BAALC: variants seen among roughly 807,000 people sequenced by gnomAD.
BAALC encodes the protein BAALC binder of MAP3K1 and KLF4.
Under a neutral mutation model 15.5 loss-of-function variants are expected in BAALC, and 9 were observed. The ratio of observed to expected loss-of-function variants is 0.58; its 90% CI spans 0.35 to 1.02. The LOEUF (loss-of-function observed/expected upper bound fraction) is 1.02, where lower values mean the gene tolerates loss of function less well. BAALC is among the 50% of genes least tolerant of loss of function. The pLI is 0.02. For synonymous variants in BAALC, 80 were observed against 74.6 expected, an observed-to-expected ratio of 1.07 and a Z score of -0.37; for missense variants, 201 against 192.4, an observed-to-expected ratio of 1.04 and a Z score of -0.27.
In BAALC at chr8:103,158,180, TTTGTC is replaced by T. The variant is rs1473295097; in HGVS notation, c.160+17128_160+17132del. ...TTTATTTGTTGAAGAAACTGGTTGT[TTTGTC>T]TTGTAGAGTTTCTAATTTTTTGGAT... On this transcript the variant is annotated intron_variant, in intron 1 of 2. Coordinates refer to ENST00000309982, the MANE Select transcript of BAALC (RefSeq NM_024812.3). Among the ~76,000 whole-genome samples, 18 of 152,328 alleles carry T rather than the reference TTTGTC, an allele frequency of 1.2e-4. 1 individual carries two copies. The highest frequency in any genetic ancestry group is 4.3e-4 in the African/African-American group (18 of 41,582).
intron 1 of BAALC, among the ~76,000 whole-genome samples, chr8:103,157,449 C>T (rs1563636926): frequency 6.6e-6 from 1 of 152,040 alleles, no homozygotes; most frequent in East Asian, 1.9e-4. Context: ...AAGCAAATTC[C>T]GGAAGTCATG....
At chr8:103,210,578 A>T (rs894048598) in intron 1 of BAALC, among the ~76,000 whole-genome samples, 1 of 152,232 alleles carries the variant, frequency 6.6e-6, no homozygotes, top group Admixed American at 6.5e-5. Flanking sequence ...CAGGGAAAGG[A>T]TTTTGTTTGT....
chr8:103,181,926 T>A (rs751485803), intron 1 of BAALC, among the ~76,000 whole-genome samples: 33 of 152,184 alleles, frequency 2.2e-4, no homozygotes, highest in Non-Finnish European at 4.4e-4. Context: ...ACATAAGAAA[T>A]GTATTCATAT....
chr8:103,184,143 T>C (rs1465005513), intron 1 of BAALC, among the ~76,000 whole-genome samples: 1 of 152,250 alleles, frequency 6.6e-6, no homozygotes, highest in Non-Finnish European at 1.5e-5. Flanking sequence ...CATATCTCCT[T>C]TGAGTCTCTC....
intron 1 of BAALC, among the ~76,000 whole-genome samples, chr8:103,156,450 T>C (rs1811093869): frequency 6.6e-6 from 1 of 152,208 alleles, no homozygotes; most frequent in South Asian, 2.1e-4. Flanking sequence ...TGAAGATCAA[T>C]TTCATCTTCA....
intron 1 of BAALC, among the ~76,000 whole-genome samples, chr8:103,162,907 A>G (rs918100964): frequency 2.0e-5 from 3 of 152,186 alleles, no homozygotes; most frequent in Non-Finnish European, 2.9e-5. Context: ...GCATATTTGC[A>G]TCAGTCCCTG....
At chr8:103,183,312 CCTTTT>C in intron 1 of BAALC, 1 of 702,084 alleles carries the variant, frequency 1.4e-6, no homozygotes, top group Non-Finnish European at 2.6e-6. Context: ...GTCTTATTTC[CCTTTT>C]GAGTCCTAAC....
chr8:103,192,229 T>G (rs1811986650), intron 1 of BAALC, among the ~76,000 whole-genome samples: 1 of 152,118 alleles, frequency 6.6e-6, no homozygotes, highest in South Asian at 2.1e-4. Context: ...TTTTGGTACT[T>G]TTAGTAGAGA....
Position 103,200,711 on chromosome 8 carries a change from G to A in BAALC, c.161-12208G>A, listed in dbSNP as rs752724894. ...GGCACCAACAGATTCAGTGTCTGAT[G>A]AAGGCTTGTTCTCTGCTTCAAAGAT... On this transcript the variant is annotated intron_variant, in intron 1 of 2. Transcript: ENST00000309982. The A allele has an allele frequency of 8.6e-5, 60 of 700,828 alleles. 2 individuals carry two copies. Among genetic ancestry groups the A allele is most frequent in the South Asian group, 8.5e-4 (57 of 67,126 alleles). The allele number at this position is 700,828 out of a possible 1,614,324, so 43.4% of individuals were successfully genotyped here. A position where few individuals can be genotyped will look rare whatever the true frequency, so the allele number is the denominator to read the frequency against.
intron 1 of BAALC, among the ~76,000 whole-genome samples, chr8:103,160,060 T>C (rs1811187609): frequency 6.6e-6 from 1 of 152,194 alleles, no homozygotes; most frequent in Non-Finnish European, 1.5e-5. Flanking sequence ...CCTAACAACA[T>C]TATAAGTAAG....
In BAALC at chr8:103,181,374, A is replaced by G. The variant is rs1315713568; in HGVS notation, c.161-31545A>G. Among the ~76,000 whole-genome samples the G allele has an allele frequency of 4.6e-5, 7 of 152,024 alleles. No individual in the cohort carries two copies. In the South Asian group the frequency reaches 6.2e-4, roughly 14 times the overall value. On this transcript the variant is annotated intron_variant, in intron 1 of 2. Coordinates refer to ENST00000309982, the MANE Select transcript of BAALC (RefSeq NM_024812.3). ...TGCAAGCTCCACCTCCCAGGTTCACACCATTCTCCTGCCTCGCCTCCTGAG... is the reference window on the plus strand; with the variant it reads ...TGCAAGCTCCACCTCCCAGGTTCACGCCATTCTCCTGCCTCGCCTCCTGAG...
At chr8:103,174,252 C>T (rs1285276399) in intron 1 of BAALC, among the ~76,000 whole-genome samples, 1 of 118,132 alleles carries the variant, frequency 8.5e-6, no homozygotes, top group South Asian at 3.0e-4. Context: ...AAACCTCTGG[C>T]AAAGCACCAA....
At chr8:103,193,882 C>T (rs1182821930) in intron 1 of BAALC, among the ~76,000 whole-genome samples, 1 of 152,164 alleles carries the variant, frequency 6.6e-6, no homozygotes, top group African/African-American at 2.4e-5. Flanking sequence ...GTGAACCAGC[C>T]ACCAAAGACG....
At chr8:103,186,745 T>G (rs1190652202) in intron 1 of BAALC, among the ~76,000 whole-genome samples, 1 of 152,182 alleles carries the variant, frequency 6.6e-6, no homozygotes, top group South Asian at 2.1e-4. Context: ...AAACAGTGCT[T>G]TCTGGAGTTT....
At chr8:103,164,774 C>T (rs1563639721) in intron 1 of BAALC, among the ~76,000 whole-genome samples, 1 of 152,334 alleles carries the variant, frequency 6.6e-6, no homozygotes, top group East Asian at 1.9e-4. Flanking sequence ...TAGGCCCTCC[C>T]CAAGTGGAAC....
chr8:103,164,425 A>G (rs1811299399), intron 1 of BAALC, among the ~76,000 whole-genome samples: 1 of 152,140 alleles, frequency 6.6e-6, no homozygotes, highest in African/African-American at 2.4e-5. Context: ...CCTCTCGTTT[A>G]CTTCTGACTT....
intron 1 of BAALC, among the ~76,000 whole-genome samples, chr8:103,154,195 T>C (rs76174923): frequency 1.6e-3 from 242 of 152,190 alleles, no homozygotes; most frequent in African/African-American, 5.3e-3. Flanking sequence ...GCTTTGCAGA[T>C]TTATTAGCTA....
Position 103,182,043 on chromosome 8 carries a change from G to A in BAALC, c.161-30876G>A, listed in dbSNP as rs879842695. On this transcript the variant is annotated intron_variant, in intron 1 of 2. Coordinates refer to ENST00000309982, the MANE Select transcript of BAALC (RefSeq NM_024812.3). ...GGGTGAAGCACCTAGCCGGGCATGA[G>A]ACATGAAATTTCCTTTCTGCTTCAT... 1.6e-4 allele frequency among the ~76,000 whole-genome samples: 25 copies of A among 152,326 alleles called. 2 individuals carry two copies. The highest frequency in any genetic ancestry group is 1.3e-3 in the Admixed American group (20 of 15,308).
chr8:103,160,569 T>G (rs1221967732), intron 1 of BAALC, among the ~76,000 whole-genome samples: 1 of 152,148 alleles, frequency 6.6e-6, no homozygotes, highest in Non-Finnish European at 1.5e-5. Context: ...TAAAGTAAAT[T>G]GAAATAATTT....
Sources: gnomAD v4.1 joint callset for allele counts (sites outside exome capture counted in the v4.1 genomes callset) on GRCh38, gnomAD v4.1.1 for gene constraint, MANE v1.5 for transcripts, NCBI Gene and HGNC (gene_info 2026-07-23, HGNC 2026-07-21) for gene names.